Variants in PTPRN2 observed in about 807,000 individuals in gnomAD.
PTPRN2 encodes the protein receptor-type tyrosine-protein phosphatase N2.
A neutral mutation model predicts 118.8 loss-of-function variants in PTPRN2; 74 were observed. The observed-to-expected ratio is 0.62, with a 90% CI of 0.52 to 0.76. The LOEUF (loss-of-function observed/expected upper bound fraction) is 0.76, where lower values mean the gene tolerates loss of function less well. Among genes scored for constraint, PTPRN2 ranks in the 30% least tolerant of loss-of-function variants. The pLI, the probability that PTPRN2 is intolerant of heterozygous loss-of-function variation, is 0.00. For synonymous variants in PTPRN2, 641 were observed against 608.0 expected (o/e 1.05, Z -0.80); for missense variants, 1,481 against 1,394.4 (o/e 1.06, Z -0.99).
chr7:158,199,808 C>A (rs1488323575), intron 4 of PTPRN2, among the ~76,000 whole-genome samples: 1 of 114,798 alleles, frequency 8.7e-6, no homozygotes, highest in Admixed American at 8.3e-5. Flanking sequence ...AGGGCACAGG[C>A]AGGCACTAGG....
chr7:158,458,488 C>T (rs1818702019), intron 2 of PTPRN2, among the ~76,000 whole-genome samples: 1 of 152,110 alleles, frequency 6.6e-6, no homozygotes, highest in African/African-American at 2.4e-5. Flanking sequence ...AAAGCTCCCC[C>T]GGTTTTTAAA....
At chr7:158,395,473 GAGGGGCC>G (rs1812330856) in intron 2 of PTPRN2, among the ~76,000 whole-genome samples, 1 of 58,004 alleles carries the variant, frequency 1.7e-5, no homozygotes, top group Non-Finnish European at 3.4e-5. Context: ...GGCGAGGGGC[GAGGGGCC>G]AGGGGCGAGG....
In PTPRN2 at chr7:157,964,192, T is replaced by C. The variant is rs1801741050; in HGVS notation, c.1724-65455A>G. Among the ~76,000 whole-genome samples, 1 of 152,116 alleles carries C rather than the reference T, an allele frequency of 6.6e-6. No homozygotes were observed. Among genetic ancestry groups the C allele is most frequent in the Non-Finnish European group, 1.5e-5 (1 of 68,024 alleles). ...TGGGTGGGGTAGTGTTGAGTTCTGG[T>C]CCTGGTCCCACCGACCTGGGCTGGA... On this transcript the variant is annotated intron_variant, in intron 11 of 22. Transcript: ENST00000389418. This position sits in a 1 kb window ranked among gnomAD's most constrained non-coding sequence, Gnocchi z 9.0.
At chr7:157,999,064 AG>A in intron 11 of PTPRN2, among the ~76,000 whole-genome samples, 1 of 151,936 alleles carries the variant, frequency 6.6e-6, no homozygotes, top group Non-Finnish European at 1.5e-5. Flanking sequence ...GAGCGGCCGT[AG>A]GGGTCCGCCC....
rs184450449 is a variant in PTPRN2 at position 157,955,635 on chromosome 7, C to T, written c.1724-56898G>A. ...GCTCTCCAGGATCAACTCTCTTCTT[C>T]AGACAACTCCCAACCATTGTGGTTT... On this transcript the variant is annotated intron_variant, in intron 11 of 22. Transcript: ENST00000389418. Among the ~76,000 whole-genome samples the T allele has an allele frequency of 2.2e-3, 335 of 152,314 alleles. 2 individuals are homozygous for T. Among genetic ancestry groups the T allele is most frequent in the African/African-American group, 7.8e-3 (325 of 41,560 alleles).
At chr7:157,728,138 AC>A (rs112050114) in intron 12 of PTPRN2, among the ~76,000 whole-genome samples, 4 of 152,286 alleles carry the variant, frequency 2.6e-5, no homozygotes, top group African/African-American at 9.6e-5. Context: ...CTGGGCAGAC[AC>A]ATGCAGCCCG....
chr7:158,484,161 G>GT (rs889673996), intron 2 of PTPRN2, among the ~76,000 whole-genome samples: 11 of 152,036 alleles, frequency 7.2e-5, no homozygotes, highest in African/African-American at 2.2e-4. Flanking sequence ...ACAAAAAACT[G>GT]TAAGAGTCAA....
chr7:158,441,123 G>GTGA (rs201981247), intron 2 of PTPRN2, among the ~76,000 whole-genome samples: 2 of 149,800 alleles, frequency 1.3e-5, no homozygotes, highest in African/African-American at 2.5e-5. Context: ...GATGGTGATA[G>GTGA]TGGTGATGGC....
rs1585016672 is a variant in PTPRN2, at chr7:157,550,031, G to A, written c.2903-1012C>T. Reference sequence around the variant, plus strand: ...CAGCCATTGGAACCCCAACTACCGTGGGCAGGACAGCGCTGGCCGAAGACC... The same window carrying A: ...CAGCCATTGGAACCCCAACTACCGTAGGCAGGACAGCGCTGGCCGAAGACC... On this transcript the variant is annotated intron_variant, in intron 21 of 22. Transcript: ENST00000389418. This position sits in a 1 kb window ranked among gnomAD's most constrained non-coding sequence, Gnocchi z 5.2. Among the ~76,000 whole-genome samples the A allele has an allele frequency of 1.3e-5, 2 of 152,358 alleles. No homozygotes were observed. Among genetic ancestry groups the A allele is most frequent in the Admixed American group, 6.5e-5 (1 of 15,312 alleles).
intron 3 of PTPRN2, among the ~76,000 whole-genome samples, chr7:158,311,463 T>TA (rs533801676): frequency 7.6e-4 from 116 of 151,840 alleles, no homozygotes; most frequent in South Asian, 6.0e-3. Flanking sequence ...GAAATGTATT[T>TA]AAAAAAAAAT....
chr7:157,659,808 G>A (rs766758228), intron 13 of PTPRN2, among the ~76,000 whole-genome samples: 4 of 151,926 alleles, frequency 2.6e-5, no homozygotes, highest in African/African-American at 7.3e-5. Context: ...GGAGAGGCAC[G>A]ATCTCGGCTC....
rs563101892 is a variant in PTPRN2 at position 158,406,371 on chromosome 7, G to A, written c.163+83364C>T. Reference sequence around the variant, plus strand: ...ACATTTGGCTGCACACTGAGATCCCGCAGTGGCTCATCCGTGAGACATGTG... The same window carrying A: ...ACATTTGGCTGCACACTGAGATCCCACAGTGGCTCATCCGTGAGACATGTG... On this transcript the variant is annotated intron_variant, in intron 2 of 22. Coordinates refer to ENST00000389418, the MANE Select transcript of PTPRN2 (RefSeq NM_002847.5). 3.5e-4 allele frequency among the ~76,000 whole-genome samples: 19 copies of A among 54,520 alleles called. 1 individual carries two copies. Among genetic ancestry groups the A allele is most frequent in the Admixed American group, 1.6e-3 (12 of 7,306 alleles). The allele number at this position is 54,520 out of a possible 152,430, so 35.8% of individuals were successfully genotyped here.
At chr7:158,407,144 CGTCCTGGGTCCTGGGTCCTGGGTCCT>C (rs1237302224) in intron 2 of PTPRN2, among the ~76,000 whole-genome samples, 6 of 111,586 alleles carry the variant, frequency 5.4e-5, no homozygotes, top group Admixed American at 2.8e-4. Flanking sequence ...CTGCGTCCTG[CGTCCTGGGTCCTGGGTCCTGGGTCCT>C]GCGTCCTGCG....
intron 11 of PTPRN2, among the ~76,000 whole-genome samples, chr7:158,010,151 A>G (rs1382062175): frequency 1.3e-5 from 2 of 152,192 alleles, no homozygotes; most frequent in African/African-American, 4.8e-5. Flanking sequence ...AGCAGCCCTC[A>G]GCAAGCTCAG....
At chr7:158,428,857 A>G (rs200794896) in intron 2 of PTPRN2, among the ~76,000 whole-genome samples, 17 of 152,312 alleles carry the variant, frequency 1.1e-4, no homozygotes, top group Admixed American at 7.2e-4. Context: ...TTTCATGGCA[A>G]TGGAAATTAT....
chr7:158,055,508 C>T (rs576060091), intron 11 of PTPRN2, among the ~76,000 whole-genome samples: 2 of 152,346 alleles, frequency 1.3e-5, no homozygotes, highest in South Asian at 4.1e-4. Context: ...GGAGGCCTAA[C>T]CGTCTCCCTG....
intron 4 of PTPRN2, among the ~76,000 whole-genome samples, chr7:158,197,021 T>C (rs1826263563): frequency 6.6e-6 from 1 of 152,160 alleles, no homozygotes; most frequent in South Asian, 2.1e-4. Flanking sequence ...TATATGTATA[T>C]ACATGTATGT....
intron 2 of PTPRN2, among the ~76,000 whole-genome samples, chr7:158,387,366 G>GA (rs1811485216): frequency 6.6e-6 from 1 of 152,252 alleles, no homozygotes. Context: ...CTGAGGTGGG[G>GA]CCAGGACCAC....
chr7:158,566,422 G>T (rs1827677426), intron 1 of PTPRN2, among the ~76,000 whole-genome samples: 1 of 152,076 alleles, frequency 6.6e-6, no homozygotes. Context: ...CCATCGAGCT[G>T]ACTGTAGCCT....
Sources: allele counts gnomAD v4.1 joint callset (sites outside exome capture counted in the v4.1 genomes callset), GRCh38; gene constraint gnomAD v4.1.1; non-coding constraint Gnocchi (gnomAD v3.1); transcripts MANE v1.5; gene names NCBI Gene and HGNC (gene_info 2026-07-23, HGNC 2026-07-21).